The following COL21A1 variants were observed in gnomAD, a reference collection of about 807,000 sequenced individuals.
COL21A1 encodes the protein collagen alpha-1(XXI) chain.
In COL21A1, 149 loss-of-function variants were observed where a neutral mutation model predicts 137.9. The ratio of observed to expected loss-of-function variants is 1.08; its 90% CI spans 0.95 to 1.24. The LOEUF (loss-of-function observed/expected upper bound fraction) is 1.24, where lower values mean the gene tolerates loss of function less well. COL21A1 is among the 50% of genes most tolerant of loss of function. The pLI is 0.00. For missense variants in COL21A1, 1,167 were observed against 1,158.4 expected (o/e 1.01, Z -0.11); for synonymous variants, 456 against 391.5 (o/e 1.16, Z -1.95).
At chr6:56,326,978 T>C (rs981783273) in intron 1 of COL21A1, among the ~76,000 whole-genome samples, 5 of 152,028 alleles carry the variant, frequency 3.3e-5, no homozygotes, top group Non-Finnish European at 7.4e-5. Context: ...ATACCAATTA[T>C]ATATTTAGGA....
At chr6:56,288,255 A>AG (rs1355926456) in intron 1 of COL21A1, among the ~76,000 whole-genome samples, 27 of 83,024 alleles carry the variant, frequency 3.3e-4, no homozygotes, top group Middle Eastern at 4.9e-3. Flanking sequence ...AAAATAAAAG[A>AG]AAAAAAAAAG....
chr6:56,069,578 A>G (rs1766556958), intron 21 of COL21A1, among the ~76,000 whole-genome samples: 2 of 150,386 alleles, frequency 1.3e-5, no homozygotes, highest in African/African-American at 4.8e-5. Context: ...ATAACCCAAT[A>G]TTTTTATTTT....
In COL21A1 at chr6:56,156,709, C is replaced by T. The variant is rs951232121; in HGVS notation, c.1434+178G>A. ...CTCTACTACTTTTCCATTAACTTGT[C>T]CTAGTGCTCACACACCCTAGCTCCT... On this transcript the variant is annotated intron_variant, in intron 10 of 29. Transcript: ENST00000244728. Among the ~76,000 whole-genome samples, 10 of 152,318 alleles carry T rather than the reference C, an allele frequency of 6.6e-5. No individual in the cohort carries two copies. In the South Asian group the frequency reaches 1.0e-3, roughly 16 times the overall value.
At chr6:56,172,491 G>A (rs930928592) in intron 3 of COL21A1, among the ~76,000 whole-genome samples, 1 of 152,126 alleles carries the variant, frequency 6.6e-6, no homozygotes, top group Non-Finnish European at 1.5e-5. Context: ...AGCTGAGAAA[G>A]TTCATCACCA....
intron 1 of COL21A1, among the ~76,000 whole-genome samples, chr6:56,310,509 G>C (rs1764585601): frequency 6.6e-6 from 1 of 152,140 alleles, no homozygotes; most frequent in Admixed American, 6.5e-5. Flanking sequence ...CCTGAAAAGT[G>C]GGGAGGTCTA....
At chr6:56,192,656 G>A in intron 1 of COL21A1, among the ~76,000 whole-genome samples, 1 of 152,156 alleles carries the variant, frequency 6.6e-6, no homozygotes. Context: ...ATGCCAGTTA[G>A]AATGACAATC....
chr6:56,099,317 T>G (rs1468827932), intron 17 of COL21A1, among the ~76,000 whole-genome samples: 1 of 139,978 alleles, frequency 7.1e-6, no homozygotes, highest in Non-Finnish European at 1.5e-5. Flanking sequence ...CACTGCAAGC[T>G]CCGCCTCCCG....
chr6:56,110,178 CAT>C (rs1771296318), intron 16 of COL21A1, among the ~76,000 whole-genome samples: 1 of 145,826 alleles, frequency 6.9e-6, no homozygotes, highest in South Asian at 2.2e-4. Flanking sequence ...ATTAGTGTAA[CAT>C]ACAAAAATCA....
intron 1 of COL21A1, among the ~76,000 whole-genome samples, chr6:56,294,315 T>A (rs1443625278): frequency 6.6e-6 from 1 of 152,054 alleles, no homozygotes; most frequent in Non-Finnish European, 1.5e-5. Flanking sequence ...ATTAAAAACT[T>A]TCAAAGGGTC....
At chr6:56,119,263 C>T (rs1489997052) in intron 16 of COL21A1, among the ~76,000 whole-genome samples, 2 of 152,086 alleles carry the variant, frequency 1.3e-5, no homozygotes, top group Non-Finnish European at 2.9e-5. Context: ...AAATCAGTAG[C>T]ATCTCTATAT....
At chr6:56,123,880 C>A (rs1172637523) in intron 16 of COL21A1, among the ~76,000 whole-genome samples, 182 bp downstream of exon 16, 2 of 152,074 alleles carry the variant, frequency 1.3e-5, no homozygotes, top group African/African-American at 2.4e-5. Flanking sequence ...CCTAAGAGTC[C>A]ACAATAAAGT....
chr6:56,255,229 T>C (rs771719641), intron 1 of COL21A1, among the ~76,000 whole-genome samples: 15 of 152,126 alleles, frequency 9.9e-5, no homozygotes, highest in Non-Finnish European at 2.2e-4. Flanking sequence ...CTATAAACCA[T>C]AGGTAATGGA....
At chr6:56,211,855 T>A (rs941092107) in intron 1 of COL21A1, among the ~76,000 whole-genome samples, 4 of 152,142 alleles carry the variant, frequency 2.6e-5, no homozygotes, top group African/African-American at 9.6e-5. Context: ...TATACCACTT[T>A]TATCAAAACC....
At chr6:56,383,389 G>A (rs975172980) in intron 1 of COL21A1, among the ~76,000 whole-genome samples, 6 of 152,144 alleles carry the variant, frequency 3.9e-5, no homozygotes, top group Non-Finnish European at 8.8e-5. Context: ...ATGAATTTGG[G>A]GAGACACAAA....
chr6:56,307,315 C>T (rs957389194), intron 1 of COL21A1, among the ~76,000 whole-genome samples: 11 of 152,228 alleles, frequency 7.2e-5, no homozygotes, highest in Admixed American at 7.2e-4. Context: ...TGTCCTGCCC[C>T]CAGAGGTGGA....
At chr6:56,140,810 C>G (rs987065918) in intron 12 of COL21A1, among the ~76,000 whole-genome samples, 2 of 152,110 alleles carry the variant, frequency 1.3e-5, no homozygotes, top group South Asian at 2.1e-4. Flanking sequence ...AAACAATCAA[C>G]TCTGAATAAA....
chr6:56,263,426 C>T (rs1307471963), intron 1 of COL21A1, among the ~76,000 whole-genome samples: 1 of 152,140 alleles, frequency 6.6e-6, no homozygotes, highest in Non-Finnish European at 1.5e-5. Context: ...TATTGAAATA[C>T]TCTATGGAGT....
intron 1 of COL21A1, among the ~76,000 whole-genome samples, chr6:56,309,522 T>TA (rs1764555851): frequency 6.6e-6 from 1 of 152,164 alleles, no homozygotes; most frequent in African/African-American, 2.4e-5. Context: ...AGCCATCACA[T>TA]GTCTTATGTT....
At chr6:56,071,313 A>C (rs528002144) in intron 20 of COL21A1, among the ~76,000 whole-genome samples, 1 of 151,820 alleles carries the variant, frequency 6.6e-6, no homozygotes, top group Admixed American at 6.6e-5. Flanking sequence ...TTTCTAACAG[A>C]TGGAAACTTG....
Sources: gnomAD v4.1 joint callset for allele counts (sites outside exome capture counted in the v4.1 genomes callset) on GRCh38, gnomAD v4.1.1 for gene constraint, MANE v1.5 for transcripts, NCBI Gene and HGNC (gene_info 2026-07-23, HGNC 2026-07-21) for gene names.